FRMD6: variants seen among roughly 807,000 people sequenced by gnomAD.
FRMD6 encodes FERM domain-containing protein 6.
In FRMD6, 37 loss-of-function variants were observed where a neutral mutation model predicts 73.2. That is an observed-to-expected ratio of 0.51 (90% CI 0.39 to 0.66). The LOEUF (loss-of-function observed/expected upper bound fraction) is 0.66, where lower values mean the gene tolerates loss of function less well. Ranked by LOEUF, FRMD6 falls within the 30% of genes least tolerant of loss-of-function variation. FRMD6 has a pLI of 0.00. For missense variants in FRMD6, 714 were observed against 780.5 expected, an observed-to-expected ratio of 0.91 and a Z score of 1.02; for synonymous variants, 273 against 282.2, an observed-to-expected ratio of 0.97 and a Z score of 0.33.
At chr14:51,672,362 T>G (rs1456805461) in intron 1 of FRMD6, among the ~76,000 whole-genome samples, 2 of 152,178 alleles carry the variant, frequency 1.3e-5, no homozygotes, top group African/African-American at 4.8e-5. Flanking sequence ...TCAATACCTC[T>G]CTTCACACAA....
upstream of FRMD6, chr14:51,651,271 T>G (rs982005356): frequency 2.0e-5 from 3 of 152,230 alleles, no homozygotes; most frequent in African/African-American, 4.8e-5. Context: ...CGGCGCCCCC[T>G]CCATCCAGCG....
the FRMD6 span, among the ~76,000 whole-genome samples, chr14:51,452,299 T>C: frequency 1.3e-5 from 2 of 152,088 alleles, no homozygotes. Context: ...GATGAGTGGA[T>C]GGTGGCTAGA....
rs756018793 is a variant in FRMD6 at position 51,698,246 on chromosome 14, C to A, written c.190+14C>A. On this transcript the variant is annotated intron_variant, in intron 3 of 13. Transcript: ENST00000344768. ...GTGTTATACAAAGTAAGTCTTAGAG[C>A]CCTCTCTGATGGATTTAGCCAACTA... 1.3e-6 allele frequency: 2 copies of A among 1,580,398 alleles called. No individual in the cohort carries two copies. The highest frequency in any genetic ancestry group is 1.7e-6 in the Non-Finnish European group (2 of 1,152,656).
the FRMD6 span, among the ~76,000 whole-genome samples, chr14:51,462,513 T>C: frequency 6.6e-6 from 1 of 152,154 alleles, no homozygotes; most frequent in Non-Finnish European, 1.5e-5. Context: ...TCTGGGCTTC[T>C]GTGCAGCAAT....
chr14:51,512,621 T>A (rs146069550), intron 1 of FRMD6, among the ~76,000 whole-genome samples: 12 of 152,272 alleles, frequency 7.9e-5, no homozygotes, highest in Admixed American at 7.8e-4. Context: ...TTTCTCTTTT[T>A]TTTTTTTGTG....
At chr14:51,661,913 T>C (rs1893242482) in intron 1 of FRMD6, among the ~76,000 whole-genome samples, 1 of 152,204 alleles carries the variant, frequency 6.6e-6, no homozygotes, top group Non-Finnish European at 1.5e-5. Flanking sequence ...AGTGGGACTT[T>C]GGAAATGGGA....
In FRMD6 at chr14:51,557,271, CACAT is replaced by C. The variant is rs201940675; in HGVS notation, c.-209-13059_-209-13056del. Among the ~76,000 whole-genome samples, 1,478 of 150,712 alleles carry C rather than the reference CACAT, an allele frequency of 9.8e-3. 10 individuals carry two copies. The highest frequency in any genetic ancestry group is 0.027 in the Admixed American group (404 of 15,120). On this transcript the variant is annotated intron_variant, in intron 1 of 14. Transcript: ENST00000356218. ...ATATATATATATATATATATATACA[CACAT>C]ACATACATACATACATAGGAATATT...
intron 1 of FRMD6, among the ~76,000 whole-genome samples, chr14:51,667,222 T>G (rs1893665526): frequency 6.6e-6 from 1 of 152,190 alleles, no homozygotes; most frequent in Non-Finnish European, 1.5e-5. Flanking sequence ...CAAAGGTATT[T>G]GTAATGAGGA....
At chr14:51,421,338 GA>G in the FRMD6 span, among the ~76,000 whole-genome samples, 1 of 152,088 alleles carries the variant, frequency 6.6e-6, no homozygotes, top group Non-Finnish European at 1.5e-5. Context: ...AAAATAAGTT[GA>G]AAAAAGATTT....
chr14:51,608,893 C>G (rs1220421142), intron 2 of FRMD6, among the ~76,000 whole-genome samples: 17 of 152,186 alleles, frequency 1.1e-4, no homozygotes, highest in Admixed American at 1.1e-3. Context: ...TACCACAATG[C>G]AGGGTGACAA....
At chr14:51,643,828 CTATTCTGTTCCCAAGCG>C (rs1036756889) in intron 2 of FRMD6, 9 of 152,198 alleles carry the variant, frequency 5.9e-5, no homozygotes, top group African/African-American at 1.9e-4. Context: ...TCAACTCAAA[CTATTCTGTTCCCAAGCG>C]TATCTCATCA....
At chr14:51,670,740 G>A (rs577077710) in intron 1 of FRMD6, among the ~76,000 whole-genome samples, 3 of 151,784 alleles carry the variant, frequency 2.0e-5, no homozygotes, top group Non-Finnish European at 4.4e-5. Flanking sequence ...CCACTTCCTG[G>A]GTTCAAGCGA....
intron 1 of FRMD6, among the ~76,000 whole-genome samples, chr14:51,556,987 G>A (rs1033792806): frequency 6.6e-6 from 1 of 152,110 alleles, no homozygotes; most frequent in Non-Finnish European, 1.5e-5. Context: ...ATGCTTTGCA[G>A]GCTATAAGAA....
chr14:51,511,030 CT>C (rs1274072175), intron 1 of FRMD6, among the ~76,000 whole-genome samples: 1 of 152,052 alleles, frequency 6.6e-6, no homozygotes, highest in Non-Finnish European at 1.5e-5. Context: ...GCTTGTAGGG[CT>C]GCTTGGTAAA....
At chr14:51,708,288 G>C in intron 7 of FRMD6, 55 bp downstream of exon 7, 8 of 1,432,040 alleles carry the variant, frequency 5.6e-6, no homozygotes, top group Non-Finnish European at 7.7e-6. Context: ...CTTCTCAATA[G>C]GATTGAGAAG....
intron 1 of FRMD6, among the ~76,000 whole-genome samples, chr14:51,567,095 T>C (rs1049218356): frequency 3.3e-5 from 5 of 152,194 alleles, no homozygotes; most frequent in African/African-American, 9.6e-5. Context: ...TCTGAAGGGA[T>C]GGGTGCTACT....
chr14:51,644,974 T>C (rs1390438774), intron 2 of FRMD6, among the ~76,000 whole-genome samples: 4 of 152,194 alleles, frequency 2.6e-5, no homozygotes, highest in Non-Finnish European at 5.9e-5. Flanking sequence ...CTGGGGTCCT[T>C]TGAGACCAAT....
chr14:51,464,650 A>G, the FRMD6 span, among the ~76,000 whole-genome samples: 1 of 152,142 alleles, frequency 6.6e-6, no homozygotes, highest in African/African-American at 2.4e-5. Flanking sequence ...CTTCTCCATA[A>G]TAGTGAAAGA....
At chr14:51,464,136 C>T in the FRMD6 span, among the ~76,000 whole-genome samples, 1 of 152,182 alleles carries the variant, frequency 6.6e-6, no homozygotes, top group African/African-American at 2.4e-5. Context: ...CAGTTGTACT[C>T]ATATTTATCT....
Sources: allele counts gnomAD v4.1 joint callset (sites outside exome capture counted in the v4.1 genomes callset), GRCh38; gene constraint gnomAD v4.1.1; transcripts MANE v1.5; gene names NCBI Gene and HGNC (gene_info 2026-07-23, HGNC 2026-07-21).